CEP41: variants seen among roughly 807,000 people sequenced by gnomAD.
CEP41 encodes the protein centrosomal protein of 41 kDa.
A neutral mutation model predicts 44.3 loss-of-function variants in CEP41; 32 were observed. That is an observed-to-expected ratio of 0.72 (90% confidence interval 0.54 to 0.97). CEP41 has a LOEUF of 0.97. CEP41 is among the 50% of genes least tolerant of loss of function. The pLI is 0.00. For missense variants in CEP41, 432 were observed against 455.2 expected (o/e 0.95, Z 0.46); for synonymous variants, 151 against 168.5 (o/e 0.90, Z 0.80).
Position 130,393,999 on chromosome 7 carries a change from G to C in CEP41, c.*4892C>G, listed in dbSNP as rs1554413438. The C allele has an allele frequency of 4.4e-6, 2 of 454,110 alleles. No individual in the cohort carries two copies. The highest frequency in any genetic ancestry group is 6.9e-4 in the Middle Eastern group (1 of 1,444). 28.1% of individuals were successfully genotyped at this position (454,110 alleles called of 1,614,324 possible). ...GTGGAAATACGCATTCCCCAGAGCA[G>C]ATGTTTCAGTTCCTGAATTTCCATC... On this transcript the variant is annotated 3_prime_UTR_variant, in exon 11 of 11. Transcript: ENST00000223208.
chr7:130,434,119 A>G (rs1230768271), intron 1 of CEP41, among the ~76,000 whole-genome samples: 1 of 152,254 alleles, frequency 6.6e-6, no homozygotes, highest in Non-Finnish European at 1.5e-5. Context: ...AAGCCACTTT[A>G]AAAGCAAGTT....
At chr7:130,399,888 G>A in intron 10 of CEP41, 151 bp downstream of exon 10, 2 of 707,428 alleles carry the variant, frequency 2.8e-6, no homozygotes, top group South Asian at 3.0e-5. Flanking sequence ...CACTATCTGG[G>A]GTCACCTCCA....
chr7:130,400,534 T>C lies in CEP41; in HGVS notation c.757+173A>G, dbSNP rs554029187. On this transcript the variant is annotated intron_variant, in intron 9 of 10. Transcript: ENST00000223208. ...GAAGCAACATCAGGAATTAAAAACA[T>C]GTGCTGATGAAGCTAAGGGAAGTTT... 3.0e-5 allele frequency: 20 copies of C among 658,414 alleles called. No homozygotes were observed. In the South Asian group the frequency reaches 3.5e-4, roughly 12 times the overall value. 40.8% of individuals were successfully genotyped at this position (658,414 alleles called of 1,614,324 possible). A position where few individuals can be genotyped will look rare whatever the true frequency, so the allele number is the denominator to read the frequency against.
At chr7:130,421,923 C>T (rs564319961) in intron 2 of CEP41, 39 of 1,534,512 alleles carry the variant, frequency 2.5e-5, no homozygotes, top group Middle Eastern at 3.3e-4. Flanking sequence ...CTGAACAAAA[C>T]GCAGCCAGGG....
At chr7:130,429,231 CAG>C (rs1220344545) in intron 1 of CEP41, among the ~76,000 whole-genome samples, 2 of 152,192 alleles carry the variant, frequency 1.3e-5, no homozygotes, top group Non-Finnish European at 2.9e-5. Context: ...CGCTGCTCCC[CAG>C]AGTCTGTAGC....
rs1554417292 is a variant in CEP41 at position 130,402,740 on chromosome 7, G to A, written c.482C>T (p.Pro161Leu). ...AGGATAAGGTTTGTCTTTGGTATGG[G>A]GCTCTGCTTTCTTCACTGGCCCTTT... Reference protein sequence around the residue: ...LDKGPVKKAEPHTKDKPYPDC... With the variant: ...LDKGPVKKAELHTKDKPYPDC... Residue 161 changes from proline (P) to leucine (L), a missense_variant, in exon 7 of 11, where the codon CCC (proline) becomes CTC (leucine). By Grantham distance (98) the Pro-to-Leu change is moderately conservative. Coordinates refer to ENST00000223208, the MANE Select transcript of CEP41 (RefSeq NM_018718.3). 1.2e-6 allele frequency: 2 copies of A among 1,614,126 alleles called. No individual in the cohort carries two copies. Among genetic ancestry groups the A allele is most frequent in the African/African-American group, 1.3e-5 (1 of 75,024 alleles).
chr7:130,411,981 C>A (rs1797195063), intron 4 of CEP41, 198 bp downstream of exon 4: 4 of 552,016 alleles, frequency 7.2e-6, no homozygotes. Flanking sequence ...GAATTCTTAT[C>A]AAAGAAGAGA....
intron 10 of CEP41, 50 bp downstream of exon 10, chr7:130,399,989 T>C (rs1796792710): frequency 8.6e-7 from 1 of 1,160,110 alleles, no homozygotes; most frequent in South Asian, 1.2e-5. Context: ...GATGAGGTGA[T>C]ATTCAAAGCT....
chr7:130,431,996 C>G (rs73152887), intron 1 of CEP41, among the ~76,000 whole-genome samples: 3,164 of 152,100 alleles, frequency 0.021, 37 homozygotes, highest in Non-Finnish European at 0.031. Context: ...TGGGTAGAGG[C>G]CAGGGGTGCT....
Position 130,400,063 on chromosome 7 carries a change from C to G in CEP41, c.949G>C (p.Glu317Gln), listed in dbSNP as rs1796795062. The part of the protein sequence containing the change: ...LKKIEYYLEE[E>Q]QGPADHPSRL... ...CTAGGATGATCTGCAGGCCCTTGCTCCTCTTCCAGATAATATTCTATCTTT... is the reference window on the plus strand; with the variant it reads ...CTAGGATGATCTGCAGGCCCTTGCTGCTCTTCCAGATAATATTCTATCTTT... The change falls in exon 10 of 11, where the codon GAG becomes CAG. Residue 317 changes from glutamate (E) to glutamine (Q), a missense_variant. Glu to Gln is a conservative substitution (Grantham distance 29). Coordinates refer to ENST00000223208, the MANE Select transcript of CEP41 (RefSeq NM_018718.3). 6.2e-7 allele frequency: 1 copy of G among 1,610,902 alleles called. No individual in the cohort carries two copies. The highest frequency in any genetic ancestry group is 8.5e-7 in the Non-Finnish European group (1 of 1,178,204).
intron 10 of CEP41, 184 bp from the exon 11 acceptor site, chr7:130,399,223 G>C: frequency 1.4e-6 from 1 of 694,922 alleles, no homozygotes; most frequent in Non-Finnish European, 2.4e-6. Context: ...CCTGAAGGTG[G>C]GGAGGGGGAC....
chr7:130,396,882 A>G lies in CEP41; in HGVS notation c.*2009T>C. The G allele has an allele frequency of 4.5e-6, 2 of 447,196 alleles. No individual in the cohort carries two copies. Among genetic ancestry groups the G allele is most frequent in the Non-Finnish European group, 9.0e-6 (2 of 223,414 alleles). The allele number at this position is 447,196 out of a possible 1,614,324, so 27.7% of individuals were successfully genotyped here. The stretch of plus-strand genomic sequence containing the variant: ...TTCCACATATATACAGTGGTTTCTA[A>G]TACTCCAAAGTTGTCTGACGATGGG... On this transcript the variant is annotated 3_prime_UTR_variant, in exon 11 of 11. Transcript: ENST00000223208.
In CEP41 at chr7:130,416,929, C is replaced by A; in HGVS notation, c.135G>T (p.Glu45Asp). Residue 45 changes from glutamate (E) to aspartate (D), a missense_variant, in exon 3 of 11, where the codon GAG becomes GAT. Physicochemically the swap from Glu to Asp is conservative, Grantham distance 45 (BLOSUM62 2). Transcript: ENST00000223208. Reference sequence around the variant, plus strand: ...AAGAGTGTTACTTACTTTTCTTAATCTCTTCGAGCTTCTCAGTATATTTAG... The same window carrying A: ...AAGAGTGTTACTTACTTTTCTTAATATCTTCGAGCTTCTCAGTATATTTAG... ...SMTKYTEKLEEIKKNYRYKKD... is the reference protein window; with the variant it reads ...SMTKYTEKLEDIKKNYRYKKD... 1.9e-6 allele frequency: 3 copies of A among 1,589,180 alleles called. No homozygotes were observed. The highest frequency in any genetic ancestry group is 2.6e-6 in the Non-Finnish European group (3 of 1,157,310).
rs1554414186 is a variant in CEP41 at position 130,395,667 on chromosome 7, T to C, written c.*3224A>G. On this transcript the variant is annotated 3_prime_UTR_variant, in exon 11 of 11. Transcript: ENST00000223208. ...TCCTAGCCTAGGACTCTGATTTCAC[T>C]TACATTCCACAAGGGAATTAGAGAA... 2.2e-6 allele frequency: 1 copy of C among 453,920 alleles called. No individual in the cohort carries two copies. Among genetic ancestry groups the C allele is most frequent in the Admixed American group, 2.4e-5 (1 of 42,522 alleles). 28.1% of individuals were successfully genotyped at this position (453,920 alleles called of 1,614,324 possible).
intron 6 of CEP41, among the ~76,000 whole-genome samples, chr7:130,403,047 T>C (rs370987267): frequency 7.9e-5 from 12 of 152,282 alleles, no homozygotes; most frequent in African/African-American, 2.9e-4. Flanking sequence ...ACAATGCGTG[T>C]CAGTGCATTA....
In CEP41 at chr7:130,398,938, G is replaced by T; in HGVS notation, c.1075C>A (p.Pro359Thr). ...PGGGPASHSN[P>T]RSLSSGHLQG... ...AGGTGACCACTGCTGAGGGAGCGGG[G>T]GTTTGAGTGGCTGGCGGGGCCGCCA... Residue 359 changes from proline (P) to threonine (T), a missense_variant, in exon 11 of 11, where the codon CCC (proline) becomes ACC (threonine). Pro to Thr is a conservative substitution (Grantham distance 38). Transcript: ENST00000223208. The T allele has an allele frequency of 1.2e-6, 2 of 1,614,254 alleles. No homozygotes were observed.
At chr7:130,406,278 G>A (rs1357457520) in intron 5 of CEP41, among the ~76,000 whole-genome samples, 2 of 152,050 alleles carry the variant, frequency 1.3e-5, no homozygotes, top group Non-Finnish European at 2.9e-5. Context: ...ATACAATAAA[G>A]TTTTTTTAAA....
intron 2 of CEP41, chr7:130,419,848 C>T: frequency 1.0e-6 from 1 of 985,378 alleles, no homozygotes; most frequent in Non-Finnish European, 1.2e-6. Flanking sequence ...TTTCCCTCCT[C>T]TGAGCCTCTA....
intron 2 of CEP41, chr7:130,419,267 T>C (rs1797426418): frequency 1.0e-6 from 1 of 985,198 alleles, no homozygotes; most frequent in African/African-American, 1.7e-5. Flanking sequence ...TATCCAAGAA[T>C]GGGGAAAAAA....
Sources: allele counts gnomAD v4.1 joint callset (sites outside exome capture counted in the v4.1 genomes callset), GRCh38; gene constraint gnomAD v4.1.1; transcripts MANE v1.5; gene names NCBI Gene and HGNC (gene_info 2026-07-23, HGNC 2026-07-21).